The following GBP4 variants were observed in gnomAD, a reference collection of about 807,000 sequenced individuals.
GBP4 encodes the protein guanylate binding protein 4.
Under a neutral mutation model 62.2 loss-of-function variants are expected in GBP4, and 69 were observed. That is an observed-to-expected ratio of 1.11 (90% CI 0.91 to 1.36). The LOEUF (loss-of-function observed/expected upper bound fraction) is 1.36. GBP4 is among the 40% of genes most tolerant of loss of function. GBP4 has a pLI of 0.00. For missense variants in GBP4, 697 were observed against 759.3 expected (o/e 0.92, Z 0.96); for synonymous variants, 278 against 274.6 (o/e 1.01, Z -0.12).
intron 6 of GBP4, among the ~76,000 whole-genome samples, chr1:89,190,556 A>G (rs1254889821): frequency 6.6e-6 from 1 of 152,062 alleles, no homozygotes; most frequent in African/African-American, 2.4e-5. Context: ...ACAAAATTAA[A>G]TTACCCATTG....
At chr1:89,195,691 G>A (rs185175140) in intron 2 of GBP4, among the ~76,000 whole-genome samples, 116 of 152,250 alleles carry the variant, frequency 7.6e-4, no homozygotes, top group Admixed American at 3.8e-3. Flanking sequence ...ACATTAGGGG[G>A]AAGAAATGGC....
Position 89,187,119 on chromosome 1 carries a change from G to A in GBP4, c.1411-17C>T. The A allele has an allele frequency of 6.2e-7, 1 of 1,607,608 alleles. No individual in the cohort carries two copies. The highest frequency in any genetic ancestry group is 1.1e-5 in the South Asian group (1 of 90,936). On this transcript the variant is annotated splice_polypyrimidine_tract_variant and intron_variant, in intron 8 of 10. Coordinates refer to ENST00000355754, the MANE Select transcript of GBP4 (RefSeq NM_052941.5). The stretch of plus-strand genomic sequence containing the variant: ...CTCGTTTGCCTGAGGAACCAAGAAA[G>A]AGCAAAGACCTGTCAGGCAGCAAAG...
intron 6 of GBP4, among the ~76,000 whole-genome samples, 182 bp downstream of exon 6, chr1:89,191,078 CA>C (rs1456773258): frequency 1.2e-4 from 19 of 152,130 alleles, no homozygotes; most frequent in African/African-American, 4.6e-4. Flanking sequence ...TATTAGGCCT[CA>C]AGAAAGTTTC....
Position 89,185,208 on chromosome 1 carries a change from A to G in GBP4, c.*46T>C. ...AGCAACAGTGTTATGTTATTAAAAT[A>G]AAATAAACCTCATTTTATATTTTCT... is the stretch of plus-strand genomic sequence containing the variant. On this transcript the variant is annotated 3_prime_UTR_variant, in exon 11 of 11. Transcript: ENST00000355754. 1.7e-6 allele frequency: 2 copies of G among 1,167,938 alleles called. No homozygotes were observed. The highest frequency in any genetic ancestry group is 2.6e-6 in the Non-Finnish European group (2 of 783,650). The allele number at this position is 1,167,938 out of a possible 1,614,324, so 72.3% of individuals were successfully genotyped here. A position where few individuals can be genotyped will look rare whatever the true frequency, so the allele number is the denominator to read the frequency against.
chr1:89,197,832 G>A (rs1368463376), intron 1 of GBP4, among the ~76,000 whole-genome samples: 1 of 152,110 alleles, frequency 6.6e-6, no homozygotes, highest in East Asian at 1.9e-4. Context: ...GAACATAATT[G>A]ATACAAACTT....
intron 8 of GBP4, among the ~76,000 whole-genome samples, chr1:89,188,163 G>GATC (rs10595348): frequency 6.6e-6 from 1 of 151,114 alleles, no homozygotes; most frequent in South Asian, 2.1e-4. Context: ...GAATCATCAA[G>GATC]ATCATCATCA....
rs1647886657 is a variant in GBP4 at position 89,181,707 on chromosome 1, C to CACTAG, written c.*3546_*3547insCTAGT. 3 of 152,098 alleles carry CACTAG rather than the reference C, an allele frequency of 2.0e-5. No individual in the cohort carries two copies. The highest frequency in any genetic ancestry group is 7.2e-5 in the African/African-American group (3 of 41,410). 9.4% of individuals were successfully genotyped at this position (152,098 alleles called of 1,614,324 possible). A position where few individuals can be genotyped will look rare whatever the true frequency, so the allele number is the denominator to read the frequency against. The stretch of plus-strand genomic sequence containing the variant: ...AGCCAATATGAGACACAGTCAGTTT[C>CACTAG]CCTAACTCTGTGCCAGCTCACTGTC... On this transcript the variant is annotated 3_prime_UTR_variant, in exon 11 of 11. Transcript: ENST00000355754.
intron 4 of GBP4, 98 bp downstream of exon 4, chr1:89,193,205 C>A: frequency 6.5e-7 from 1 of 1,527,858 alleles, no homozygotes; most frequent in Non-Finnish European, 9.0e-7. Context: ...TCTTTTCTTA[C>A]TCAACCAGGA....
chr1:89,193,467 A>G, intron 3 of GBP4, 55 bp from the exon 4 acceptor site: 1 of 1,464,914 alleles, frequency 6.8e-7, no homozygotes, highest in Non-Finnish European at 9.5e-7. Flanking sequence ...TCATTCATTC[A>G]TTCATTTGGT....
intron 1 of GBP4, among the ~76,000 whole-genome samples, chr1:89,198,155 G>T (rs1648397141): frequency 6.6e-6 from 1 of 152,100 alleles, no homozygotes; most frequent in Admixed American, 6.5e-5. Context: ...TAGAAGCGGG[G>T]CTTTGGGCTT....
intron 1 of GBP4, among the ~76,000 whole-genome samples, chr1:89,198,547 G>C (rs1322241469): frequency 6.6e-6 from 1 of 152,026 alleles, no homozygotes; most frequent in African/African-American, 2.4e-5. Flanking sequence ...GAGGAGCAGC[G>C]CATCCTGGAG....
intron 4 of GBP4, 94 bp downstream of exon 4, chr1:89,193,209 A>G (rs2100677831): frequency 6.6e-7 from 1 of 1,525,042 alleles, no homozygotes; most frequent in South Asian, 1.1e-5. Context: ...TTCTTACTCA[A>G]CCAGGACAAC....
In GBP4 at chr1:89,190,076, A is replaced by G. The variant is rs1191933774; in HGVS notation, c.1159T>C (p.Phe387Leu). The change falls in exon 7 of 11, where the codon TTC (phenylalanine) becomes CTC (leucine). Residue 387 changes from phenylalanine to leucine, a missense_variant. Physicochemically the swap from Phe to Leu is conservative, Grantham distance 22. Transcript: ENST00000355754. ...EAIAVFMEHS[F>L]KDENHEFQKK... Reference sequence around the variant, plus strand: ...TGGAATTCATGGTTTTCATCCTTGAAGGAGTGCTCCATGAAGACTGCAATG... The same window carrying G: ...TGGAATTCATGGTTTTCATCCTTGAGGGAGTGCTCCATGAAGACTGCAATG... The G allele has an allele frequency of 1.2e-6, 2 of 1,613,310 alleles. No homozygotes were observed. Among genetic ancestry groups the G allele is most frequent in the African/African-American group, 2.7e-5 (2 of 74,918 alleles).
intron 2 of GBP4, among the ~76,000 whole-genome samples, chr1:89,196,628 C>T (rs918376172): frequency 1.3e-5 from 2 of 152,106 alleles, no homozygotes; most frequent in Non-Finnish European, 2.9e-5. Flanking sequence ...GAAAGACTAA[C>T]TAGAAGGGAA....
intron 6 of GBP4, among the ~76,000 whole-genome samples, chr1:89,190,680 T>C (rs537619061): frequency 7.2e-4 from 110 of 152,066 alleles, no homozygotes; most frequent in Middle Eastern, 3.4e-3. Flanking sequence ...TACTTCCAAA[T>C]AAAAATGCAA....
At chr1:89,187,565 T>C (rs962135154) in intron 8 of GBP4, among the ~76,000 whole-genome samples, 13 of 152,048 alleles carry the variant, frequency 8.5e-5, no homozygotes, top group African/African-American at 3.1e-4. Context: ...AGAAAACACT[T>C]GCACACCATA....
At chr1:89,186,634 T>C (rs149621032) in intron 9 of GBP4, 108 bp from the exon 10 acceptor site, 10,013 of 973,488 alleles carry the variant, frequency 0.01, 68 homozygotes, top group Middle Eastern at 0.021. Context: ...AGGTGAGGGA[T>C]TGGGAATCTC....
chr1:89,186,539 G>A lies in GBP4; in HGVS notation c.1514-13C>T, dbSNP rs1438138171. 6.2e-7 allele frequency: 1 copy of A among 1,610,754 alleles called. No individual in the cohort carries two copies. Among genetic ancestry groups the A allele is most frequent in the Non-Finnish European group, 8.5e-7 (1 of 1,178,526 alleles). ...ATGGCCCGCTCCGCTATTCCACAAA[G>A]GTTTTAGAGAGGGAAGAAAATGACA... is the stretch of plus-strand genomic sequence containing the variant. On this transcript the variant is annotated splice_polypyrimidine_tract_variant and intron_variant, in intron 9 of 10. Coordinates refer to ENST00000355754, the MANE Select transcript of GBP4 (RefSeq NM_052941.5).
At chr1:89,195,250 TA>T (rs1427170011) in intron 3 of GBP4, 46 bp downstream of exon 3, 4 of 1,597,430 alleles carry the variant, frequency 2.5e-6, no homozygotes, top group Non-Finnish European at 3.4e-6. Flanking sequence ...CTGAAAAAAT[TA>T]AAAGATGAGA....
Sources: gnomAD v4.1 joint callset for allele counts (sites outside exome capture counted in the v4.1 genomes callset) on GRCh38, gnomAD v4.1.1 for gene constraint, MANE v1.5 for transcripts, NCBI Gene and HGNC (gene_info 2026-07-23, HGNC 2026-07-21) for gene names.